Variants in KIAA1217 observed in about 807,000 individuals in gnomAD.
KIAA1217 encodes KIAA1217.
KIAA1217 carries 88 observed loss-of-function variants against 163.9 expected under a neutral mutation model. The observed-to-expected ratio is 0.54, with a 90% CI of 0.45 to 0.64. The LOEUF (loss-of-function observed/expected upper bound fraction) is 0.64. Ranked by LOEUF, KIAA1217 falls within the 30% of genes least tolerant of loss-of-function variation. The pLI is 0.00. For synonymous variants in KIAA1217, 903 were observed against 923.1 expected (o/e 0.98, Z 0.39); for missense variants, 2,372 against 2,475.0 (o/e 0.96, Z 0.88).
chr10:23,991,053 G>A (rs1846197094), intron 1 of KIAA1217, among the ~76,000 whole-genome samples: 1 of 152,178 alleles, frequency 6.6e-6, no homozygotes, highest in Admixed American at 6.5e-5. Context: ...AAAGCCAAGT[G>A]TGAAATGGTG....
At chr10:24,258,506 C>T (rs2075388943) in intron 2 of KIAA1217, among the ~76,000 whole-genome samples, 1 of 151,982 alleles carries the variant, frequency 6.6e-6, no homozygotes, top group Non-Finnish European at 1.5e-5. Flanking sequence ...AGCCTTACTA[C>T]TAGCCTAAGC....
chr10:23,883,098 A>C (rs1289957481), intron 1 of KIAA1217, among the ~76,000 whole-genome samples: 1 of 151,944 alleles, frequency 6.6e-6, no homozygotes, highest in African/African-American at 2.4e-5. Flanking sequence ...AGGTAGGGAT[A>C]GATATATTCC....
At chr10:24,345,173 T>C (rs185295771) in intron 2 of KIAA1217, among the ~76,000 whole-genome samples, 333 of 152,298 alleles carry the variant, frequency 2.2e-3, no homozygotes, top group African/African-American at 6.8e-3. Context: ...ACAGTTAGCA[T>C]TGAAAATGAA....
chr10:24,004,358 A>G (rs1328828900), intron 1 of KIAA1217, among the ~76,000 whole-genome samples: 1 of 151,832 alleles, frequency 6.6e-6, no homozygotes, highest in Non-Finnish European at 1.5e-5. Context: ...TTTTAAAAAA[A>G]CCCACAGACT....
At chr10:23,938,551 T>C (rs935397354) in intron 1 of KIAA1217, among the ~76,000 whole-genome samples, 2 of 152,210 alleles carry the variant, frequency 1.3e-5, no homozygotes, top group Non-Finnish European at 2.9e-5. Flanking sequence ...TTTTAAAATT[T>C]GTATTACTTT....
At chr10:23,839,524 C>G (rs879539555) in intron 1 of KIAA1217, among the ~76,000 whole-genome samples, 3 of 152,168 alleles carry the variant, frequency 2.0e-5, no homozygotes, top group Non-Finnish European at 4.4e-5. Context: ...TCCCATGCAG[C>G]AGCCTGGGTT....
At chr10:23,859,279 T>C (rs1162833825) in intron 1 of KIAA1217, among the ~76,000 whole-genome samples, 1 of 152,230 alleles carries the variant, frequency 6.6e-6, no homozygotes, top group Admixed American at 6.5e-5. Context: ...CCAGCCTTAA[T>C]ATTAAGTGCT....
At chr10:23,802,327 A>G (rs767073240) in intron 1 of KIAA1217, among the ~76,000 whole-genome samples, 1 of 152,218 alleles carries the variant, frequency 6.6e-6, no homozygotes, top group Non-Finnish European at 1.5e-5. Flanking sequence ...TGAGGGCCCA[A>G]AGTATTTTTA....
chr10:23,967,041 T>G (rs553790052), intron 1 of KIAA1217, among the ~76,000 whole-genome samples: 20 of 139,132 alleles, frequency 1.4e-4, no homozygotes, highest in Non-Finnish European at 2.5e-4. Context: ...AATAAATAAA[T>G]AAAGAATTAT....
In KIAA1217 at chr10:24,016,894, A is replaced by G. The variant is rs924854923; in HGVS notation, c.-171+9520A>G. On this transcript the variant is annotated intron_variant, in intron 2 of 18. Transcript: ENST00000376462. ...GAGCCTTCAAGAGATGCTAAATATA[A>G]TGAGTAATACAATATAGAACTATGA... is the stretch of plus-strand genomic sequence containing the variant. 4.3e-4 allele frequency among the ~76,000 whole-genome samples: 65 copies of G among 152,228 alleles called. 1 individual carries two copies. Among genetic ancestry groups the G allele is most frequent in the African/African-American group, 1.5e-3 (61 of 41,558 alleles).
chr10:23,709,940 G>A (rs530863048), intron 1 of KIAA1217, among the ~76,000 whole-genome samples: 7 of 152,134 alleles, frequency 4.6e-5, no homozygotes, highest in African/African-American at 9.7e-5. Flanking sequence ...CTGTTATGTC[G>A]CACTTTCCCT....
At chr10:24,112,040 A>G (rs1448337249) in intron 2 of KIAA1217, among the ~76,000 whole-genome samples, 1 of 152,028 alleles carries the variant, frequency 6.6e-6, no homozygotes, top group East Asian at 1.9e-4. Context: ...GGCTCACACG[A>G]TCCTCCTGCC....
At chr10:23,985,988 G>A (rs1845954425) in intron 1 of KIAA1217, among the ~76,000 whole-genome samples, 1 of 152,186 alleles carries the variant, frequency 6.6e-6, no homozygotes, top group African/African-American at 2.4e-5. Context: ...GGGAAGAAGT[G>A]AGACAAATAA....
intron 2 of KIAA1217, among the ~76,000 whole-genome samples, chr10:24,182,988 A>G (rs959232890): frequency 6.6e-6 from 1 of 152,200 alleles, no homozygotes; most frequent in East Asian, 1.9e-4. Context: ...TAGGTCATAG[A>G]TGCAGATCCC....
intron 2 of KIAA1217, among the ~76,000 whole-genome samples, chr10:24,351,658 C>A (rs778244222): frequency 6.6e-6 from 1 of 152,168 alleles, no homozygotes; most frequent in African/African-American, 2.4e-5. Flanking sequence ...TTATGGACCC[C>A]ATTTCCTGCA....
At chr10:24,097,864 A>C (rs1281263254) in intron 2 of KIAA1217, among the ~76,000 whole-genome samples, 1 of 152,184 alleles carries the variant, frequency 6.6e-6, no homozygotes, top group East Asian at 1.9e-4. Context: ...GAATTGTGCC[A>C]AGGCCAGGCC....
intron 1 of KIAA1217, among the ~76,000 whole-genome samples, chr10:23,700,609 C>G (rs1373537528): frequency 6.6e-6 from 1 of 152,150 alleles, no homozygotes; most frequent in African/African-American, 2.4e-5. Flanking sequence ...ATGCTTCCAC[C>G]ACATTGCCAT....
intron 2 of KIAA1217, among the ~76,000 whole-genome samples, chr10:24,091,602 G>T (rs2061940873): frequency 6.6e-6 from 1 of 151,876 alleles, no homozygotes. Context: ...CCCAGGTCCT[G>T]GTGATCTGGG....
rs951410547 is a variant in KIAA1217 at position 24,515,078 on chromosome 10, T to A, written c.2177+1644T>A. 1.8e-4 allele frequency among the ~76,000 whole-genome samples: 27 copies of A among 151,784 alleles called. No individual in the cohort carries two copies. The South Asian group carries it at 4.2e-3, about 23-fold the overall frequency. On this transcript the variant is annotated intron_variant, in intron 10 of 20. Coordinates refer to ENST00000376454, the MANE Select transcript of KIAA1217 (RefSeq NM_019590.5). ...TTTCCAATAAAATTATGAAAAAAAA[T>A]TTTTTTGAGTTGGAGTCTTGCTCTG...
Sources: allele counts gnomAD v4.1 joint callset (sites outside exome capture counted in the v4.1 genomes callset), GRCh38; gene constraint gnomAD v4.1.1; transcripts MANE v1.5; gene names NCBI Gene and HGNC (gene_info 2026-07-23, HGNC 2026-07-21).